LRRC7: variants seen among roughly 807,000 people sequenced by gnomAD.
LRRC7 encodes the protein leucine-rich repeat-containing protein 7.
A neutral mutation model predicts 175.7 loss-of-function variants in LRRC7; 23 were observed. The observed-to-expected ratio is 0.13, with a 90% CI of 0.09 to 0.19. LRRC7 has a LOEUF of 0.19. LRRC7 is among the 10% of genes least tolerant of loss of function. The probability of loss-of-function intolerance (pLI) is 1.00; values close to 1 mark genes in which losing one functional copy is unlikely to be tolerated. For synonymous variants in LRRC7, 685 were observed against 680.9 expected (o/e 1.01, Z -0.09); for missense variants, 1,354 against 1,904.7 (o/e 0.71, Z 5.38).
chr1:69,607,989 G>C (rs1410075536), intron 1 of LRRC7: 3 of 152,366 alleles, frequency 2.0e-5, no homozygotes, highest in Non-Finnish European at 4.4e-5. Flanking sequence ...TTTTGAGCAC[G>C]ATCTTCTGTT....
chr1:70,062,524 T>G (rs1038423632), intron 23 of LRRC7, among the ~76,000 whole-genome samples: 3 of 152,052 alleles, frequency 2.0e-5, no homozygotes, highest in African/African-American at 4.8e-5. Flanking sequence ...TCCCCCTAAC[T>G]GCAAATTATT....
chr1:69,792,107 C>A lies in LRRC7; in HGVS notation c.368C>A (p.Pro123Gln). Residue 123 changes from proline (P) to glutamine (Q), a missense_variant, in exon 4 of 27, where the codon CCA becomes CAA. Coordinates refer to ENST00000651989, the MANE Select transcript of LRRC7 (RefSeq NM_001370785.2). ...CCTGATAACGACCTTTCAAATCTGC[C>A]AACCACTATTGCTAGTTTAGTTAAT... ...SIPDNDLSNL[P>Q]TTIASLVNLK... The A allele has an allele frequency of 6.2e-7, 1 of 1,610,706 alleles. No homozygotes were observed. The highest frequency in any genetic ancestry group is 8.5e-7 in the Non-Finnish European group (1 of 1,177,624).
Position 69,661,115 on chromosome 1 carries a change from G to A in LRRC7, c.3-17266G>A, listed in dbSNP as rs368664406. ...TCAGAGTTTAAAGGGGAAGTGTTAT[G>A]TCCCAGAGATGTGATACTTCCTCAT... On this transcript the variant is annotated intron_variant, in intron 1 of 26. Transcript: ENST00000651989. Among the ~76,000 whole-genome samples, 57 of 152,078 alleles carry A rather than the reference G, an allele frequency of 3.7e-4. No homozygotes were observed. In the Middle Eastern group the frequency reaches 0.017, roughly 45 times the overall value.
intron 7 of LRRC7, among the ~76,000 whole-genome samples, chr1:69,838,563 T>C (rs1237524066): frequency 6.6e-6 from 1 of 151,868 alleles, no homozygotes; most frequent in Admixed American, 6.6e-5. Flanking sequence ...CTAAAACATA[T>C]GAAATTGTCC....
chr1:69,691,443 A>G (rs1661847767), intron 2 of LRRC7, among the ~76,000 whole-genome samples: 1 of 152,162 alleles, frequency 6.6e-6, no homozygotes, highest in African/African-American at 2.4e-5. Context: ...TAAGCACAGC[A>G]TTTGGTATAC....
intron 3 of LRRC7, among the ~76,000 whole-genome samples, chr1:69,784,866 A>G (rs577721179): frequency 1.6e-3 from 238 of 152,282 alleles, no homozygotes; most frequent in Non-Finnish European, 2.7e-3. Context: ...AAATGTTTTT[A>G]AAGTTATTTT....
At chr1:69,575,091 C>A (rs1164352541) in intron 1 of LRRC7, among the ~76,000 whole-genome samples, 4 of 152,040 alleles carry the variant, frequency 2.6e-5, no homozygotes, top group Admixed American at 6.6e-5. Flanking sequence ...GAGTTTATAA[C>A]ACTTCAGAGC....
intron 25 of LRRC7, among the ~76,000 whole-genome samples, chr1:70,107,294 C>T (rs530259246): frequency 5.9e-5 from 9 of 152,050 alleles, no homozygotes; most frequent in South Asian, 4.2e-4. Flanking sequence ...ATAAACCAGT[C>T]GTATATATAA....
chr1:69,669,355 A>G (rs958065434), intron 1 of LRRC7, among the ~76,000 whole-genome samples: 1 of 152,176 alleles, frequency 6.6e-6, no homozygotes, highest in Non-Finnish European at 1.5e-5. Context: ...ATTCTAAGGT[A>G]AAATATTTTT....
chr1:69,642,631 C>G (rs1019653504), intron 1 of LRRC7, among the ~76,000 whole-genome samples: 2 of 152,004 alleles, frequency 1.3e-5, no homozygotes, highest in African/African-American at 4.8e-5. Flanking sequence ...ATAGCCAGTG[C>G]AACTTCAGAT....
chr1:69,647,945 G>T (rs1370439313), intron 1 of LRRC7, among the ~76,000 whole-genome samples: 1 of 151,892 alleles, frequency 6.6e-6, no homozygotes, highest in African/African-American at 2.4e-5. Flanking sequence ...GTGATTCTTT[G>T]AATAGATTTC....
At chr1:69,937,073 G>T (rs1319717561) in intron 8 of LRRC7, among the ~76,000 whole-genome samples, 1 of 151,938 alleles carries the variant, frequency 6.6e-6, no homozygotes, top group Non-Finnish European at 1.5e-5. Context: ...TTAATAAAAT[G>T]AATAATTTGT....
At chr1:69,819,964 TG>T (rs1222907080) in intron 4 of LRRC7, among the ~76,000 whole-genome samples, 1 of 152,136 alleles carries the variant, frequency 6.6e-6, no homozygotes, top group Non-Finnish European at 1.5e-5. Flanking sequence ...AGTTGGGTCA[TG>T]TTTTTTTCAC....
chr1:69,744,470 G>A (rs998375353), intron 2 of LRRC7, among the ~76,000 whole-genome samples: 5 of 151,764 alleles, frequency 3.3e-5, no homozygotes, highest in East Asian at 1.9e-4. Flanking sequence ...TGTCTCCATC[G>A]ATGTTCATTT....
intron 3 of LRRC7, among the ~76,000 whole-genome samples, chr1:69,773,510 T>C (rs1672472811): frequency 6.6e-6 from 1 of 152,120 alleles, no homozygotes. Context: ...TAAAGAGGAA[T>C]ATCACTTATA....
At chr1:69,621,654 A>G (rs942184683) in intron 1 of LRRC7, among the ~76,000 whole-genome samples, 1 of 152,114 alleles carries the variant, frequency 6.6e-6, no homozygotes, top group African/African-American at 2.4e-5. Flanking sequence ...TTGTCAGGTT[A>G]TATTATATTT....
At chr1:69,602,071 T>C (rs1471256869) in intron 1 of LRRC7, among the ~76,000 whole-genome samples, 1 of 152,194 alleles carries the variant, frequency 6.6e-6, no homozygotes, top group Non-Finnish European at 1.5e-5. Context: ...AAGGGCAAAT[T>C]CTATCAGTTT....
chr1:69,826,196 G>C (rs1045796272), intron 5 of LRRC7, among the ~76,000 whole-genome samples: 1 of 152,102 alleles, frequency 6.6e-6, no homozygotes, highest in Non-Finnish European at 1.5e-5. Context: ...AGAGTTTAAG[G>C]TATTGACAAG....
chr1:70,137,752 G>C lies in LRRC7; in HGVS notation c.*15865G>C, dbSNP rs1380239837. 6.6e-6 allele frequency among the ~76,000 whole-genome samples: 1 copy of C among 152,238 alleles called. No individual in the cohort carries two copies. The highest frequency in any genetic ancestry group is 1.9e-4 in the East Asian group (1 of 5,200). On this transcript the variant is annotated 3_prime_UTR_variant, in exon 27 of 27. Coordinates refer to ENST00000651989, the MANE Select transcript of LRRC7 (RefSeq NM_001370785.2). The stretch of plus-strand genomic sequence containing the variant: ...AATGCTGACATGGCCTATCCAGCCA[G>C]AGCCTTCAATTAAGAGTTCTCCAAT...
Sources: allele counts gnomAD v4.1 joint callset (sites outside exome capture counted in the v4.1 genomes callset), GRCh38; gene constraint gnomAD v4.1.1; transcripts MANE v1.5; gene names NCBI Gene and HGNC (gene_info 2026-07-23, HGNC 2026-07-21).